LIPA: variants seen among roughly 807,000 people sequenced by gnomAD.
LIPA encodes lipase A, lysosomal acid type, also known as lysosomal acid lipase/cholesteryl ester hydrolase.
LIPA carries 26 observed loss-of-function variants against 40.6 expected under a neutral mutation model. The ratio of observed to expected loss-of-function variants is 0.64; its 90% CI spans 0.47 to 0.89. LIPA has a LOEUF of 0.89. LIPA is among the 40% of genes least tolerant of loss of function. The pLI, the probability that LIPA is intolerant of heterozygous loss-of-function variation, is 0.00. For synonymous variants in LIPA, 188 were observed against 168.4 expected (o/e 1.12, Z -0.90); for missense variants, 455 against 479.6 (o/e 0.95, Z 0.48).
chr10:89,275,951 C>T (rs1843287138), intron 1 of LIPA, among the ~76,000 whole-genome samples: 1 of 152,180 alleles, frequency 6.6e-6, no homozygotes. Context: ...TTAATACTAT[C>T]TTTGATGCTG....
At chr10:89,227,057 C>A in intron 4 of LIPA, 53 bp from the exon 5 acceptor site, 1 of 1,067,116 alleles carries the variant, frequency 9.4e-7, no homozygotes, top group South Asian at 1.3e-5. Flanking sequence ...AAATAGAGCA[C>A]ACACATACTG....
intron 2 of LIPA, among the ~76,000 whole-genome samples, chr10:89,401,725 T>G (rs970539567): frequency 6.6e-6 from 1 of 151,964 alleles, no homozygotes; most frequent in African/African-American, 2.4e-5. Flanking sequence ...AAGGATACAC[T>G]GGATCTCTGT....
chr10:89,246,592 G>A (rs1469914707), intron 2 of LIPA, among the ~76,000 whole-genome samples: 2 of 152,256 alleles, frequency 1.3e-5, no homozygotes, highest in South Asian at 2.1e-4. Flanking sequence ...ATTTCTCTGC[G>A]AGTCCCTAAG....
chr10:89,243,559 A>T (rs1417208593), intron 3 of LIPA, among the ~76,000 whole-genome samples: 1 of 152,048 alleles, frequency 6.6e-6, no homozygotes, highest in Non-Finnish European at 1.5e-5. Context: ...GCCAAAAATA[A>T]AATAAAGTAT....
At chr10:89,298,725 C>T (rs1182635230) in intron 1 of LIPA, among the ~76,000 whole-genome samples, 1 of 152,186 alleles carries the variant, frequency 6.6e-6, no homozygotes. Context: ...GTGCCTCACA[C>T]CTGTAATCCC....
intron 1 of LIPA, among the ~76,000 whole-genome samples, chr10:89,325,245 G>C (rs1047717175): frequency 5.3e-5 from 8 of 152,076 alleles, no homozygotes; most frequent in African/African-American, 1.9e-4. Context: ...AGAGAAAAGG[G>C]AACACTTACA....
At chr10:89,347,934 C>G (rs1589618110) in intron 2 of LIPA, among the ~76,000 whole-genome samples, 1 of 152,196 alleles carries the variant, frequency 6.6e-6, no homozygotes, top group African/African-American at 2.4e-5. Context: ...AGGTTTACAA[C>G]CCCCACCATG....
At chr10:89,262,506 T>G (rs1843216074) in intron 1 of LIPA, among the ~76,000 whole-genome samples, 1 of 152,240 alleles carries the variant, frequency 6.6e-6, no homozygotes, top group South Asian at 2.1e-4. Flanking sequence ...TTTCTTCCTG[T>G]CTGAATCACA....
intron 2 of LIPA, among the ~76,000 whole-genome samples, chr10:89,359,629 C>G (rs1465779072): frequency 6.6e-6 from 1 of 152,192 alleles, no homozygotes; most frequent in African/African-American, 2.4e-5. Context: ...CCTCATCAAG[C>G]TGCTCCTATT....
At chr10:89,321,022 A>G (rs1260468810) in intron 1 of LIPA, among the ~76,000 whole-genome samples, 35 of 152,192 alleles carry the variant, frequency 2.3e-4, no homozygotes, top group Non-Finnish European at 4.6e-4. Flanking sequence ...CATATGTAGA[A>G]AGCTGAAACT....
chr10:89,220,205 T>A (rs972362486), intron 8 of LIPA, among the ~76,000 whole-genome samples: 7 of 152,216 alleles, frequency 4.6e-5, no homozygotes, highest in African/African-American at 1.7e-4. Flanking sequence ...TGGTGGCCAT[T>A]TGTACTTTGC....
At position 89,250,098 on chromosome 10, in the gene LIPA, C is replaced by CTTTCTTT. The variant is rs1564767178; in HGVS notation, c.-2+1638_-2+1639insAAAGAAA. Among the ~76,000 whole-genome samples, 253 of 101,578 alleles carry CTTTCTTT rather than the reference C, an allele frequency of 2.5e-3. 11 individuals are homozygous for CTTTCTTT. The highest frequency in any genetic ancestry group is 3.2e-3 in the Non-Finnish European group (164 of 51,318). 66.6% of individuals were successfully genotyped at this position (101,578 alleles called of 152,430 possible). ...TCTTTTTTCTTTTTCTTTTTCTTTTCTTTTCTTTCTTTTTTTTTTTTGAGA... is the reference window on the plus strand; with the variant it reads ...TCTTTTTTCTTTTTCTTTTTCTTTTCTTTCTTTTTTTCTTTCTTTTTTTTTTTTGAGA... On this transcript the variant is annotated intron_variant, in intron 1 of 9. Transcript: ENST00000336233.
intron 2 of LIPA, chr10:89,404,222 A>G (rs907976921): frequency 1.3e-5 from 2 of 151,990 alleles, no homozygotes; most frequent in Non-Finnish European, 1.5e-5. Context: ...CAGAAGACTC[A>G]CTCCTTGGCT....
At position 89,222,559 on chromosome 10, in the gene LIPA, T is replaced by C. The variant is rs534838107; in HGVS notation, c.846A>G (p.Thr282=). The C allele has an allele frequency of 2.6e-5, 42 of 1,607,418 alleles. No homozygotes were observed. Among genetic ancestry groups the C allele is most frequent in the Middle Eastern group, 1.7e-4 (1 of 6,060 alleles). ...GCACAGAAGTTCCAGCAGGAGAATG[T>C]GTTGTATATACATCCACTCTAGACT... ...LNMSRVDVYT[T]HSPAGTSVQN... is the part of the protein sequence containing the mutation. Residue 282 remains threonine, a synonymous_variant, in exon 8 of 10, where the codon ACA becomes ACG. Coordinates refer to ENST00000336233, the MANE Select transcript of LIPA (RefSeq NM_000235.4).
At chr10:89,242,221 C>T (rs904566310) in intron 3 of LIPA, among the ~76,000 whole-genome samples, 3 of 152,232 alleles carry the variant, frequency 2.0e-5, no homozygotes, top group Non-Finnish European at 2.9e-5. Context: ...CAAAGCATTG[C>T]TCAACACTTC....
At chr10:89,336,360 C>A (rs17096301) in intron 1 of LIPA, among the ~76,000 whole-genome samples, 40,393 of 152,040 alleles carry the variant, frequency 0.27, 5,690 homozygotes, top group African/African-American at 0.33. Flanking sequence ...CATAAAGAGG[C>A]TAGCCGGATG....
chr10:89,220,243 C>T (rs1037422501), intron 8 of LIPA, among the ~76,000 whole-genome samples: 24 of 152,174 alleles, frequency 1.6e-4, no homozygotes, highest in Non-Finnish European at 5.9e-5. Flanking sequence ...TGTGTGTGGG[C>T]TGCTGGCAGT....
chr10:89,371,966 T>C (rs1052063177), intron 2 of LIPA, among the ~76,000 whole-genome samples: 5 of 152,164 alleles, frequency 3.3e-5, no homozygotes, highest in African/African-American at 1.2e-4. Flanking sequence ...GAAAACAAGA[T>C]ACTGCATGTT....
intron 1 of LIPA, among the ~76,000 whole-genome samples, chr10:89,292,812 CTT>C (rs376717872): frequency 8.2e-5 from 12 of 145,770 alleles, no homozygotes; most frequent in East Asian, 2.0e-4. Context: ...TGCCTGGCTA[CTT>C]TTTTTTTTTT....
Sources: allele counts gnomAD v4.1 joint callset (sites outside exome capture counted in the v4.1 genomes callset), GRCh38; gene constraint gnomAD v4.1.1; transcripts MANE v1.5; gene names NCBI Gene and HGNC (gene_info 2026-07-23, HGNC 2026-07-21).